The following SRGAP1 variants were observed in gnomAD, a reference collection of about 807,000 sequenced individuals.
SRGAP1 encodes SLIT-ROBO Rho GTPase activating protein 1.
SRGAP1 carries 43 observed loss-of-function variants against 121.9 expected under a neutral mutation model. The observed-to-expected ratio is 0.35, with a 90% CI of 0.28 to 0.46. SRGAP1 has a LOEUF of 0.46. Among genes scored for constraint, SRGAP1 ranks in the 20% least tolerant of loss-of-function variants. The pLI, the probability that SRGAP1 is intolerant of heterozygous loss-of-function variation, is 1.00. For synonymous variants in SRGAP1, 447 were observed against 485.4 expected (o/e 0.92, Z 1.04); for missense variants, 1,102 against 1,350.9 (o/e 0.82, Z 2.89).
intron 2 of SRGAP1, among the ~76,000 whole-genome samples, chr12:63,989,517 C>T (rs1380441282): frequency 6.9e-6 from 1 of 144,932 alleles, no homozygotes; most frequent in Non-Finnish European, 1.5e-5. Context: ...CTTTGTATGC[C>T]GTGGCAAAAC....
Position 63,984,139 on chromosome 12 carries a change from A to G in SRGAP1, c.260A>G (p.Tyr87Cys). The G allele has an allele frequency of 6.9e-7, 1 of 1,455,150 alleles. No individual in the cohort carries two copies. Among genetic ancestry groups the G allele is most frequent in the Non-Finnish European group, 9.2e-7 (1 of 1,081,966 alleles). The allele number at this position is 1,455,150 out of a possible 1,614,324, so 90.1% of individuals were successfully genotyped here. ...KTRSTKDHQQ[Y>C]KKDQNLLSPV... ...AGAAGCACTAAGGATCATCAACAAT[A>G]CAAGTAAGAGATTTGAATCTAATTC... Residue 87 changes from tyrosine to cysteine, a missense_variant, in exon 2 of 22, where the codon TAC (tyrosine) becomes TGC (cysteine). Tyr to Cys is a radical substitution (Grantham distance 194). Transcript: ENST00000355086.
intron 4 of SRGAP1, among the ~76,000 whole-genome samples, chr12:64,031,338 A>G (rs2034775311): frequency 6.7e-6 from 1 of 148,228 alleles, no homozygotes; most frequent in Admixed American, 6.7e-5. Context: ...AAAAAAAAAT[A>G]GCTGCCATCT....
intron 1 of SRGAP1, among the ~76,000 whole-genome samples, chr12:63,920,391 GA>G (rs968390211): frequency 6.6e-5 from 10 of 152,158 alleles, no homozygotes; most frequent in African/African-American, 1.4e-4. Context: ...AGTAGCAAGA[GA>G]GTCCTTGTGA....
intron 1 of SRGAP1, among the ~76,000 whole-genome samples, chr12:63,894,471 C>CG (rs1900686958): frequency 6.9e-6 from 1 of 145,096 alleles, no homozygotes; most frequent in Non-Finnish European, 1.5e-5. Context: ...AGCTCACTCT[C>CG]TTTTTTTTTT....
At chr12:63,926,827 A>T (rs972723919) in intron 1 of SRGAP1, among the ~76,000 whole-genome samples, 3 of 152,090 alleles carry the variant, frequency 2.0e-5, no homozygotes, top group African/African-American at 7.2e-5. Flanking sequence ...TCTTTGATCA[A>T]CACTTCCCAT....
chr12:64,096,676 CTCTA>C (rs2036160011), intron 14 of SRGAP1, among the ~76,000 whole-genome samples: 2 of 152,100 alleles, frequency 1.3e-5, no homozygotes, highest in South Asian at 4.1e-4. Context: ...TTTCAAGTTC[CTCTA>C]TCTGATTTTA....
intron 15 of SRGAP1, among the ~76,000 whole-genome samples, chr12:64,105,350 G>T (rs993280353): frequency 3.3e-5 from 5 of 152,098 alleles, no homozygotes; most frequent in Non-Finnish European, 5.9e-5. Flanking sequence ...TGGTTATTAT[G>T]AATAATGCTA....
rs148223248 is a variant in SRGAP1, at chr12:63,973,103, G to A, written c.68-10844G>A. Among the ~76,000 whole-genome samples, 805 of 152,256 alleles carry A rather than the reference G, an allele frequency of 5.3e-3. 5 individuals are homozygous for A. The highest frequency in any genetic ancestry group is 0.018 in the African/African-American group (735 of 41,534). ...GCGGAGGTTACAGTGAGCCAAGATC[G>A]CGCTACTGCATTCCAGCCTGGGTGA... On this transcript the variant is annotated intron_variant, in intron 1 of 21. Transcript: ENST00000355086.
intron 1 of SRGAP1, among the ~76,000 whole-genome samples, chr12:63,938,529 G>A (rs1032135212): frequency 6.6e-6 from 1 of 152,132 alleles, no homozygotes; most frequent in Non-Finnish European, 1.5e-5. Context: ...GAACAGAAAA[G>A]AATAGTTGAT....
rs12303060 is a variant in SRGAP1, at chr12:64,126,110, C to T, written c.2358C>T (p.Asn786=). The T allele has an allele frequency of 4.8e-3, 7,792 of 1,614,080 alleles. 291 individuals are homozygous for T. The African/African-American group carries it at 0.085, about 18-fold the overall frequency. The change falls in exon 19 of 22, where the codon AAC becomes AAT. Residue 786 remains asparagine (N), a synonymous_variant. Transcript: ENST00000355086. ...ASEDWWEGRH[N]GIDGLVPHQY... is the part of the protein sequence containing the mutation. ...AGGACTGGTGGGAAGGCAGGCACAA[C>T]GGGATTGACGGGCTGGTGCCTCACC...
intron 4 of SRGAP1, among the ~76,000 whole-genome samples, chr12:64,019,318 C>T (rs565937741): frequency 1.6e-3 from 236 of 152,216 alleles, no homozygotes; most frequent in African/African-American, 5.5e-3. Context: ...TCAATATCAG[C>T]CTGAAAGCCT....
rs776996633 is a variant in SRGAP1, at chr12:63,909,102, A to AT, written c.67+64220dup. 2.6e-5 allele frequency among the ~76,000 whole-genome samples: 4 copies of AT among 152,014 alleles called. No homozygotes were observed. The East Asian group carries it at 7.8e-4, about 30-fold the overall frequency. On this transcript the variant is annotated intron_variant, in intron 1 of 21. Coordinates refer to ENST00000355086, the MANE Select transcript of SRGAP1 (RefSeq NM_020762.4). ...ACGGGGTTTCACCATGTTGGCCAGG[A>AT]TGGTCCTGATCTCTTGACCTCGTGA...
At chr12:64,122,760 T>G (rs1405455202) in intron 18 of SRGAP1, among the ~76,000 whole-genome samples, 2 of 151,996 alleles carry the variant, frequency 1.3e-5, no homozygotes, top group African/African-American at 4.8e-5. Flanking sequence ...TATTGGGGCA[T>G]GGTGGCACGT....
intron 1 of SRGAP1, among the ~76,000 whole-genome samples, chr12:63,948,963 A>ATTTTCCATATATATATATTCCATATATG (rs2032162809): frequency 1.2e-5 from 1 of 84,592 alleles, no homozygotes; most frequent in Non-Finnish European, 2.4e-5. Context: ...TTCCATATAT[A>ATTTTCCATATATATATATTCCATATATG]TATTTTCCAT....
chr12:64,129,991 G>GTTGTTGTTGTT (rs1407104826), intron 21 of SRGAP1, among the ~76,000 whole-genome samples: 1 of 152,124 alleles, frequency 6.6e-6, no homozygotes, highest in Non-Finnish European at 1.5e-5. Context: ...TGTTGTTGTT[G>GTTGTTGTTGTT]TTGTTGTTGT....
At position 63,848,290 on chromosome 12, in the gene SRGAP1, G is replaced by T. The variant is rs1469880499; in HGVS notation, c.67+3407G>T. ...ACCTCCCAAAGTGCTGGGATTACAG[G>T]CATGAGCCACTGCACCCGGCCCAGA... On this transcript the variant is annotated intron_variant, in intron 1 of 21. Coordinates refer to ENST00000355086, the MANE Select transcript of SRGAP1 (RefSeq NM_020762.4). Among the ~76,000 whole-genome samples, 3 of 152,176 alleles carry T rather than the reference G, an allele frequency of 2.0e-5. No individual in the cohort carries two copies. The East Asian group carries it at 5.8e-4, about 29-fold the overall frequency.
intron 3 of SRGAP1, among the ~76,000 whole-genome samples, chr12:63,998,479 T>C (rs1213510080): frequency 6.6e-6 from 1 of 152,170 alleles, no homozygotes; most frequent in Non-Finnish European, 1.5e-5. Context: ...TTCTCTGTTC[T>C]ATCACAGATT....
chr12:63,989,143 C>T (rs1457636529), intron 2 of SRGAP1, among the ~76,000 whole-genome samples: 1 of 152,214 alleles, frequency 6.6e-6, no homozygotes, highest in East Asian at 1.9e-4. Context: ...TTTTCTTAAG[C>T]TGTATCATCC....
At chr12:63,869,526 C>A (rs866479447) in intron 1 of SRGAP1, among the ~76,000 whole-genome samples, 3 of 152,138 alleles carry the variant, frequency 2.0e-5, no homozygotes, top group African/African-American at 4.8e-5. Flanking sequence ...TTCTAAAACA[C>A]CCCCAAATAC....
Sources: allele counts gnomAD v4.1 joint callset (sites outside exome capture counted in the v4.1 genomes callset), GRCh38; gene constraint gnomAD v4.1.1; transcripts MANE v1.5; gene names NCBI Gene and HGNC (gene_info 2026-07-23, HGNC 2026-07-21).